The following PCNX1 variants were observed in gnomAD, a reference collection of about 807,000 sequenced individuals.
PCNX1 encodes pecanex 1.
PCNX1 carries 78 observed loss-of-function variants against 242.2 expected under a neutral mutation model. That is an observed-to-expected ratio of 0.32 (90% CI 0.27 to 0.39). The LOEUF (loss-of-function observed/expected upper bound fraction) is 0.39. Ranked by LOEUF, PCNX1 falls within the 10% of genes least tolerant of loss-of-function variation. PCNX1 has a pLI of 1.00. For missense variants in PCNX1, 2,581 were observed against 2,856.5 expected (o/e 0.90, Z 2.20); for synonymous variants, 1,024 against 1,032.9 (o/e 0.99, Z 0.17).
At chr14:70,942,008 G>A (rs536678576) in intron 1 of PCNX1, among the ~76,000 whole-genome samples, 4 of 152,162 alleles carry the variant, frequency 2.6e-5, no homozygotes, top group Non-Finnish European at 4.4e-5. Flanking sequence ...GGAGTGTCCC[G>A]ATTTTCCAGG....
chr14:70,971,288 G>A (rs376983687), intron 5 of PCNX1, among the ~76,000 whole-genome samples: 863 of 53,888 alleles, frequency 0.016, 291 homozygotes, highest in Admixed American at 0.094. Flanking sequence ...GGGACTACAG[G>A]CGCCCGCCAC....
At chr14:70,979,428 A>G (rs976125501) in intron 6 of PCNX1, among the ~76,000 whole-genome samples, 13 of 151,626 alleles carry the variant, frequency 8.6e-5, no homozygotes, top group African/African-American at 3.1e-4. Flanking sequence ...TCTTTATTTC[A>G]GAGTTATTTC....
At position 71,111,363 on chromosome 14, in the gene PCNX1, C is replaced by T. The variant is rs994700865; in HGVS notation, c.*1428C>T. On this transcript the variant is annotated 3_prime_UTR_variant, in exon 36 of 36. Coordinates refer to ENST00000304743, the MANE Select transcript of PCNX1 (RefSeq NM_014982.3). ...TACATCTCCTCTGAGCATTTAGGAG[C>T]AGCCATCTTTCTACCCCTTGTGAAT... 6.6e-6 allele frequency: 1 copy of T among 152,570 alleles called. No homozygotes were observed. Among genetic ancestry groups the T allele is most frequent in the Admixed American group, 6.5e-5 (1 of 15,280 alleles). 9.5% of individuals were successfully genotyped at this position (152,570 alleles called of 1,614,324 possible). A position where few individuals can be genotyped will look rare whatever the true frequency, so the allele number is the denominator to read the frequency against.
chr14:70,964,010 GT>G (rs2058301913), intron 3 of PCNX1, among the ~76,000 whole-genome samples: 1 of 151,990 alleles, frequency 6.6e-6, no homozygotes. Context: ...GAGTTTTTTT[GT>G]TGTTGTTGTT....
chr14:71,082,027 A>G (rs577577671), intron 28 of PCNX1, among the ~76,000 whole-genome samples: 1 of 152,214 alleles, frequency 6.6e-6, no homozygotes, highest in East Asian at 1.9e-4. Context: ...ACACTGTTTT[A>G]GCTGTGTCTC....
In PCNX1 at chr14:71,051,914, C is replaced by G; in HGVS notation, c.4479C>G (p.Val1493=). The G allele has an allele frequency of 6.2e-7, 1 of 1,613,696 alleles. No homozygotes were observed. The highest frequency in any genetic ancestry group is 8.5e-7 in the Non-Finnish European group (1 of 1,179,690). The change falls in exon 24 of 36, where the codon GTC becomes GTG. Residue 1493 remains valine, a synonymous_variant. Coordinates refer to ENST00000304743, the MANE Select transcript of PCNX1 (RefSeq NM_014982.3). ...HSAMLFIQAA[V]SAFFSTPLNP... The stretch of plus-strand genomic sequence containing the variant: ...CCATGCTGTTTATTCAGGCTGCTGT[C>G]TCGGCCTTCTTCTCTACTCCACTGA...
At chr14:71,024,488 G>A (rs2060186508) in intron 13 of PCNX1, among the ~76,000 whole-genome samples, 1 of 151,952 alleles carries the variant, frequency 6.6e-6, no homozygotes, top group Admixed American at 6.6e-5. Context: ...GAGTTTGTCT[G>A]ATGTTTTTTC....
rs756150621 is a variant in PCNX1 at position 71,019,132 on chromosome 14, C to T, written c.3120C>T (p.Val1040=). The T allele has an allele frequency of 6.8e-6, 11 of 1,611,762 alleles. No homozygotes were observed. The highest frequency in any genetic ancestry group is 9.3e-6 in the Non-Finnish European group (11 of 1,178,796). ...TCTGGGTCTTCCAGTTCTGCCTCGT[C>T]ATAGCCAGCTGTCAATACTCACTGC... ...RDIWVFQFCL[V]IASCQYSLLK... Residue 1040 remains valine (V), a synonymous_variant, in exon 12 of 36, where the codon GTC becomes GTT. Coordinates refer to ENST00000304743, the MANE Select transcript of PCNX1 (RefSeq NM_014982.3).
intron 1 of PCNX1, among the ~76,000 whole-genome samples, chr14:70,922,126 A>G (rs146437877): frequency 6.6e-6 from 1 of 152,324 alleles, no homozygotes; most frequent in Non-Finnish European, 1.5e-5. Flanking sequence ...GCAATAATGT[A>G]CACTTTTATG....
At chr14:70,989,186 A>G (rs1172029929) in intron 7 of PCNX1, among the ~76,000 whole-genome samples, 2 of 152,034 alleles carry the variant, frequency 1.3e-5, no homozygotes, top group Non-Finnish European at 2.9e-5. Flanking sequence ...TATATTGCCT[A>G]AAACTTGGTG....
chr14:70,930,079 T>C (rs1375073165), intron 1 of PCNX1, among the ~76,000 whole-genome samples: 1 of 152,088 alleles, frequency 6.6e-6, no homozygotes, highest in Non-Finnish European at 1.5e-5. Flanking sequence ...CTGTGCCCTT[T>C]CTTCTCATGC....
intron 3 of PCNX1, among the ~76,000 whole-genome samples, chr14:70,964,315 C>T (rs1382790141): frequency 1.3e-5 from 2 of 152,186 alleles, no homozygotes; most frequent in Non-Finnish European, 1.5e-5. Context: ...GGTCTGCCCA[C>T]CTCAGCCTCC....
intron 28 of PCNX1, among the ~76,000 whole-genome samples, chr14:71,084,931 G>A (rs1190218128): frequency 1.3e-5 from 2 of 152,296 alleles, no homozygotes; most frequent in Non-Finnish European, 1.5e-5. Context: ...CTGCCCAAAT[G>A]GCTGCCCAGT....
intron 7 of PCNX1, among the ~76,000 whole-genome samples, chr14:70,992,539 A>G (rs997797571): frequency 8.2e-5 from 11 of 134,360 alleles, no homozygotes; most frequent in African/African-American, 3.3e-4. Flanking sequence ...GGAGAGACAC[A>G]TAGAAAGGTA....
chr14:71,031,976 G>A (rs1433130868), intron 16 of PCNX1: 1 of 1,254,864 alleles, frequency 8.0e-7, no homozygotes, highest in Non-Finnish European at 1.2e-6. Context: ...AGGCACTGTG[G>A]TTCATTGTCT....
intron 1 of PCNX1, among the ~76,000 whole-genome samples, chr14:70,922,750 G>A (rs1422418594): frequency 6.7e-6 from 1 of 148,392 alleles, no homozygotes; most frequent in African/African-American, 2.5e-5. Flanking sequence ...GGACATTTAG[G>A]TCATTACCTT....
chr14:71,094,653 G>A (rs1449706444), intron 30 of PCNX1, among the ~76,000 whole-genome samples: 3 of 152,180 alleles, frequency 2.0e-5, no homozygotes, highest in Admixed American at 1.3e-4. Flanking sequence ...TACGTTGGAC[G>A]TGATGCCTCA....
chr14:71,043,614 G>A (rs1020250869), intron 19 of PCNX1, among the ~76,000 whole-genome samples: 2 of 150,824 alleles, frequency 1.3e-5, no homozygotes, highest in African/African-American at 4.9e-5. Context: ...TATTGTTGAA[G>A]TTCTTGCTTA....
intron 6 of PCNX1, among the ~76,000 whole-genome samples, chr14:70,984,943 G>A (rs2058954240): frequency 6.6e-6 from 1 of 152,178 alleles, no homozygotes; most frequent in Admixed American, 6.5e-5. Context: ...ATTTTAGAAT[G>A]TGTAGAATTT....
Sources: allele counts gnomAD v4.1 joint callset (sites outside exome capture counted in the v4.1 genomes callset), GRCh38; gene constraint gnomAD v4.1.1; transcripts MANE v1.5; gene names NCBI Gene and HGNC (gene_info 2026-07-23, HGNC 2026-07-21).